The following SRGAP1 variants were observed in gnomAD, a reference collection of about 807,000 sequenced individuals.
SRGAP1 encodes SLIT-ROBO Rho GTPase-activating protein 1.
Under a neutral mutation model 121.9 loss-of-function variants are expected in SRGAP1, and 43 were observed. The observed-to-expected ratio is 0.35, with a 90% CI of 0.28 to 0.46. The LOEUF (loss-of-function observed/expected upper bound fraction) is 0.46. Ranked by LOEUF, SRGAP1 falls within the 20% of genes least tolerant of loss-of-function variation. The pLI, the probability that SRGAP1 is intolerant of heterozygous loss-of-function variation, is 1.00. For missense variants in SRGAP1, 1,102 were observed against 1,350.9 expected, an observed-to-expected ratio of 0.82 and a Z score of 2.89; for synonymous variants, 447 against 485.4, an observed-to-expected ratio of 0.92 and a Z score of 1.04.
intron 4 of SRGAP1, among the ~76,000 whole-genome samples, chr12:64,033,797 G>A (rs1166666517): frequency 1.3e-5 from 2 of 152,004 alleles, no homozygotes; most frequent in Non-Finnish European, 2.9e-5. Context: ...CAAGGCAGGT[G>A]GATCATGAGG....
intron 8 of SRGAP1, among the ~76,000 whole-genome samples, chr12:64,071,741 A>G (rs545699260): frequency 2.0e-5 from 3 of 152,290 alleles, no homozygotes; most frequent in Middle Eastern, 3.4e-3. Flanking sequence ...ATTAAGTTAT[A>G]TCATTGCTGA....
At chr12:64,080,260 T>G in intron 9 of SRGAP1, 26 bp from the exon 10 acceptor site, 1 of 1,574,206 alleles carries the variant, frequency 6.4e-7, no homozygotes, top group South Asian at 1.2e-5. Flanking sequence ...AAAAAAAGAT[T>G]TAAAAATTAT....
intron 11 of SRGAP1, among the ~76,000 whole-genome samples, 194 bp downstream of exon 11, chr12:64,087,220 T>C (rs2035963165): frequency 6.6e-6 from 1 of 152,188 alleles, no homozygotes; most frequent in South Asian, 2.1e-4. Context: ...TTTGTTTCCC[T>C]CTGGAATTGT....
intron 17 of SRGAP1, among the ~76,000 whole-genome samples, chr12:64,114,830 G>A (rs1430791232): frequency 1.3e-5 from 2 of 152,194 alleles, no homozygotes. Context: ...AGTAACGTGT[G>A]CTCGATGGTG....
intron 3 of SRGAP1, among the ~76,000 whole-genome samples, chr12:64,016,065 C>A (rs2034393213): frequency 6.6e-6 from 1 of 152,108 alleles, no homozygotes; most frequent in African/African-American, 2.4e-5. Flanking sequence ...ATGATACTCT[C>A]CACTTTTTTG....
intron 15 of SRGAP1, among the ~76,000 whole-genome samples, chr12:64,098,959 A>T (rs770535943): frequency 2.6e-5 from 4 of 152,182 alleles, no homozygotes; most frequent in Non-Finnish European, 5.9e-5. Context: ...CCACCACTCC[A>T]ACCAGGATTA....
chr12:64,095,264 C>G, intron 14 of SRGAP1, 60 bp downstream of exon 14: 1 of 1,455,656 alleles, frequency 6.9e-7, no homozygotes, highest in Admixed American at 1.7e-5. Context: ...GTTCTGTAAA[C>G]TGAAGTGGCA....
chr12:64,015,962 G>A (rs2034390988), intron 3 of SRGAP1, among the ~76,000 whole-genome samples: 1 of 152,108 alleles, frequency 6.6e-6, no homozygotes, highest in Non-Finnish European at 1.5e-5. Flanking sequence ...AGCTTTTGTT[G>A]AAAATAATAT....
Position 64,152,392 on chromosome 12 carries a change from C to T in SRGAP1, c.*9720C>T, listed in dbSNP as rs2136665493. On this transcript the variant is annotated 3_prime_UTR_variant, in exon 22 of 22. Coordinates refer to ENST00000355086, the MANE Select transcript of SRGAP1 (RefSeq NM_020762.4). ...TCTGACCTCTGTAACATGCTCATGT[C>T]ATTACCCTGCTCAAAAGCCACACGT... The T allele has an allele frequency of 6.6e-6, 1 of 152,414 alleles. No individual in the cohort carries two copies. The highest frequency in any genetic ancestry group is 1.9e-4 in the East Asian group (1 of 5,184). The allele number at this position is 152,414 out of a possible 1,614,324, so 9.4% of individuals were successfully genotyped here.
At chr12:64,121,296 C>G (rs1243320933) in intron 18 of SRGAP1, among the ~76,000 whole-genome samples, 1 of 152,118 alleles carries the variant, frequency 6.6e-6, no homozygotes, top group South Asian at 2.1e-4. Context: ...CATGAGCCAC[C>G]CACGCCCCGC....
chr12:63,929,590 TTAAC>T (rs1035812592), intron 1 of SRGAP1, among the ~76,000 whole-genome samples: 6 of 151,874 alleles, frequency 4.0e-5, no homozygotes, highest in Non-Finnish European at 7.4e-5. Context: ...TTTTTTTTTT[TTAAC>T]TATGTTTTCA....
chr12:64,140,290 T>C (rs1341515467), intron 21 of SRGAP1, among the ~76,000 whole-genome samples: 1 of 147,550 alleles, frequency 6.8e-6, no homozygotes. Context: ...AAGTCATTGG[T>C]AGCTTGATGG....
chr12:64,006,032 A>C (rs541169494), intron 3 of SRGAP1, among the ~76,000 whole-genome samples: 1 of 152,314 alleles, frequency 6.6e-6, no homozygotes, highest in South Asian at 2.1e-4. Flanking sequence ...CATAAAAATT[A>C]CATTACAAAT....
At chr12:63,864,175 AACTGT>A (rs1402125148) in intron 1 of SRGAP1, among the ~76,000 whole-genome samples, 1 of 152,200 alleles carries the variant, frequency 6.6e-6, no homozygotes, top group Non-Finnish European at 1.5e-5. Context: ...TGAAGACGGG[AACTGT>A]ACTTCAGGTT....
chr12:64,023,182 T>C (rs2034585817), intron 4 of SRGAP1, among the ~76,000 whole-genome samples: 1 of 99,474 alleles, frequency 1.0e-5, no homozygotes, highest in Non-Finnish European at 2.2e-5. Flanking sequence ...TTTTTTATGA[T>C]GAATATATGT....
chr12:63,859,414 G>T (rs574771814), intron 1 of SRGAP1, among the ~76,000 whole-genome samples: 11 of 152,082 alleles, frequency 7.2e-5, no homozygotes, highest in African/African-American at 2.7e-4. Flanking sequence ...TGATACACTC[G>T]CCTCAGCCTC....
At chr12:63,994,868 C>G (rs971968684) in intron 3 of SRGAP1, among the ~76,000 whole-genome samples, 13 of 152,192 alleles carry the variant, frequency 8.5e-5, no homozygotes, top group Admixed American at 7.9e-4. Context: ...ATTACTCATG[C>G]TGAAACAGAG....
intron 16 of SRGAP1, 42 bp from the exon 17 acceptor site, chr12:64,111,720 C>G (rs756646693): frequency 1.0e-5 from 15 of 1,485,442 alleles, no homozygotes; most frequent in Non-Finnish European, 1.3e-5. Context: ...TCCTTTTTTT[C>G]TCTTTGTTCT....
intron 3 of SRGAP1, among the ~76,000 whole-genome samples, chr12:63,991,140 T>C (rs1249659187): frequency 2.0e-5 from 3 of 152,246 alleles, no homozygotes; most frequent in Non-Finnish European, 4.4e-5. Flanking sequence ...GTTCATTTTT[T>C]ATGCTTGCAA....
Sources: allele counts gnomAD v4.1 joint callset (sites outside exome capture counted in the v4.1 genomes callset), GRCh38; gene constraint gnomAD v4.1.1; transcripts MANE v1.5; gene names NCBI Gene and HGNC (gene_info 2026-07-23, HGNC 2026-07-21).